Variants in EYS observed in about 807,000 individuals in gnomAD.
EYS encodes protein eyes shut homolog.
EYS carries 250 observed loss-of-function variants against 282.1 expected under a neutral mutation model. The observed-to-expected ratio is 0.89, with a 90% CI of 0.80 to 0.98. The LOEUF (loss-of-function observed/expected upper bound fraction) is 0.98, where lower values mean the gene tolerates loss of function less well. Among genes scored for constraint, EYS ranks in the 50% least tolerant of loss-of-function variants. EYS has a pLI of 0.00. For missense variants in EYS, 4,016 were observed against 3,709.0 expected (o/e 1.08, Z -2.15); for synonymous variants, 1,355 against 1,282.9 (o/e 1.06, Z -1.20).
intron 2 of EYS, among the ~76,000 whole-genome samples, chr6:65,518,645 A>T (rs1767230965): frequency 6.6e-6 from 1 of 152,174 alleles, no homozygotes; most frequent in African/African-American, 2.4e-5. Flanking sequence ...TTTCTTGTTC[A>T]TTGCTATAAA....
chr6:64,311,296 T>C (rs1201551862), intron 29 of EYS, among the ~76,000 whole-genome samples: 2 of 152,096 alleles, frequency 1.3e-5, no homozygotes, highest in Non-Finnish European at 2.9e-5. Flanking sequence ...ACAATTCATA[T>C]GACAATTTGT....
At chr6:64,802,121 C>G (rs916429167) in intron 22 of EYS, among the ~76,000 whole-genome samples, 2 of 145,604 alleles carry the variant, frequency 1.4e-5, no homozygotes, top group Non-Finnish European at 3.0e-5. Flanking sequence ...GCAAGCTCCT[C>G]CTCCCAGGTT....
chr6:64,447,170 A>G (rs781698334), intron 26 of EYS, among the ~76,000 whole-genome samples: 3 of 152,114 alleles, frequency 2.0e-5, no homozygotes, highest in Non-Finnish European at 4.4e-5. Flanking sequence ...GCAACTGTGT[A>G]TTACCCACAG....
chr6:65,512,627 T>A (rs1478059241), intron 2 of EYS, among the ~76,000 whole-genome samples: 6 of 151,844 alleles, frequency 4.0e-5, no homozygotes, highest in South Asian at 2.1e-4. Flanking sequence ...AACTCAGGAT[T>A]AAGAAACTCA....
intron 26 of EYS, among the ~76,000 whole-genome samples, chr6:64,548,250 C>T (rs1262679217): frequency 6.6e-6 from 1 of 152,204 alleles, no homozygotes; most frequent in African/African-American, 2.4e-5. Flanking sequence ...CTAGTTCAAC[C>T]ATTGTGGAAG....
At chr6:64,768,852 T>C (rs1773435153) in intron 22 of EYS, among the ~76,000 whole-genome samples, 1 of 152,104 alleles carries the variant, frequency 6.6e-6, no homozygotes, top group Admixed American at 6.6e-5. Context: ...CCGTTATTCA[T>C]GTCTGTGAAG....
intron 2 of EYS, among the ~76,000 whole-genome samples, chr6:65,549,578 A>G (rs1562253892): frequency 1.3e-5 from 2 of 152,178 alleles, no homozygotes. Context: ...ACATGTGCCC[A>G]GTGCACTCCC....
rs146611743 is a variant in EYS at position 65,328,749 on chromosome 6, G to GT, written c.1766+6230dup. On this transcript the variant is annotated intron_variant, in intron 11 of 42. Coordinates refer to ENST00000503581, the MANE Select transcript of EYS (RefSeq NM_001142800.2). ...TGATGTGAAAATATTATAATTATTA[G>GT]TTTTTTATCATTTATGTTTTTAATG... is the stretch of plus-strand genomic sequence containing the variant. Among the ~76,000 whole-genome samples, 430 of 150,698 alleles carry GT rather than the reference G, an allele frequency of 2.9e-3. 2 individuals carry two copies. Among genetic ancestry groups the GT allele is most frequent in the African/African-American group, 9.7e-3 (402 of 41,356 alleles).
chr6:65,376,692 A>T (rs974780844), intron 8 of EYS, among the ~76,000 whole-genome samples: 1 of 152,186 alleles, frequency 6.6e-6, no homozygotes, highest in Admixed American at 6.5e-5. Flanking sequence ...TTACCAACAA[A>T]TGGAAAGCAA....
intron 29 of EYS, among the ~76,000 whole-genome samples, chr6:64,359,200 C>CA (rs1176081005): frequency 1.3e-5 from 2 of 150,846 alleles, no homozygotes; most frequent in Admixed American, 6.6e-5. Flanking sequence ...ATTCTGTTGC[C>CA]AAAAAAATAG....
At chr6:63,768,809 A>C (rs1769861097) in intron 40 of EYS, among the ~76,000 whole-genome samples, 1 of 152,130 alleles carries the variant, frequency 6.6e-6, no homozygotes, top group Non-Finnish European at 1.5e-5. Flanking sequence ...TAGCAAAGAC[A>C]TGGAATCAAC....
At chr6:64,421,923 G>A (rs1774249015) in intron 28 of EYS, among the ~76,000 whole-genome samples, 2 of 145,346 alleles carry the variant, frequency 1.4e-5, no homozygotes, top group South Asian at 4.4e-4. Context: ...CTCAAACAGG[G>A]ATTGTGATTT....
chr6:64,912,177 A>T (rs564083017), intron 16 of EYS, among the ~76,000 whole-genome samples: 28 of 152,184 alleles, frequency 1.8e-4, no homozygotes, highest in Admixed American at 3.3e-4. Flanking sequence ...CTACATGAAC[A>T]GGATTGTTCA....
At chr6:64,255,698 A>G (rs1767371201) in intron 30 of EYS, among the ~76,000 whole-genome samples, 1 of 152,062 alleles carries the variant, frequency 6.6e-6, no homozygotes, top group Non-Finnish European at 1.5e-5. Flanking sequence ...CATGTATGCA[A>G]GTATATATGT....
chr6:64,628,757 GA>G (rs573478521), intron 22 of EYS, among the ~76,000 whole-genome samples: 2 of 151,822 alleles, frequency 1.3e-5, no homozygotes, highest in Non-Finnish European at 2.9e-5. Flanking sequence ...CATTGCAAAG[GA>G]AAAAAACTAC....
rs1367008722 is a variant in EYS at position 63,833,114 on chromosome 6, T to C, written c.7229-26742A>G. ...GACAAACCCACAGCCAATATCATAC[T>C]GAATGGGCAAAAACTGGAAGCATTC... On this transcript the variant is annotated intron_variant, in intron 36 of 42. Coordinates refer to ENST00000503581, the MANE Select transcript of EYS (RefSeq NM_001142800.2). 3.3e-5 allele frequency among the ~76,000 whole-genome samples: 5 copies of C among 152,308 alleles called. No homozygotes were observed. The South Asian group carries it at 8.3e-4, about 25-fold the overall frequency.
chr6:65,004,993 G>A (rs1363765305), intron 13 of EYS, among the ~76,000 whole-genome samples: 1 of 147,802 alleles, frequency 6.8e-6, no homozygotes, highest in Non-Finnish European at 1.5e-5. Context: ...AGATTATTGG[G>A]CAACCCCCTT....
At chr6:65,179,824 C>T (rs1473363410) in intron 12 of EYS, among the ~76,000 whole-genome samples, 4 of 151,800 alleles carry the variant, frequency 2.6e-5, no homozygotes, top group Non-Finnish European at 2.9e-5. Flanking sequence ...ACTGGCAAAC[C>T]GAATCCAGCA....
chr6:64,265,290 G>C (rs1362365940), intron 30 of EYS, among the ~76,000 whole-genome samples: 1 of 152,112 alleles, frequency 6.6e-6, no homozygotes, highest in Non-Finnish European at 1.5e-5. Context: ...TACAGTTTTT[G>C]ACAATAAATT....
Sources: gnomAD v4.1 joint callset for allele counts (sites outside exome capture counted in the v4.1 genomes callset) on GRCh38, gnomAD v4.1.1 for gene constraint, MANE v1.5 for transcripts, NCBI Gene and HGNC (gene_info 2026-07-23, HGNC 2026-07-21) for gene names.